Variants in SV2B observed in about 807,000 individuals in gnomAD.
The protein encoded by SV2B is synaptic vesicle glycoprotein 2B.
In SV2B, 41 loss-of-function variants were observed where a neutral mutation model predicts 73.9. The ratio of observed to expected loss-of-function variants is 0.56; its 90% CI spans 0.43 to 0.72. SV2B has a LOEUF of 0.72. Among genes scored for constraint, SV2B ranks in the 30% least tolerant of loss-of-function variants. SV2B has a pLI of 0.00. For synonymous variants in SV2B, 314 were observed against 314.2 expected (o/e 1.00, Z 0.01); for missense variants, 764 against 857.8 (o/e 0.89, Z 1.37).
At chr15:91,150,302 C>T (rs181330775) in intron 1 of SV2B, among the ~76,000 whole-genome samples, 43 of 152,250 alleles carry the variant, frequency 2.8e-4, no homozygotes, top group African/African-American at 8.4e-4. Context: ...CCACCACGCC[C>T]GGCTTCTGTC....
At position 91,226,254 on chromosome 15, in the gene SV2B, G is replaced by A. The variant is rs577695274; in HGVS notation, c.-10G>A. ...CTCAAGGGGCAACCAGGCAGTCGCA[G>A]AACCAAGGAATGGATGACTACAAGT... On this transcript the variant is annotated 5_prime_UTR_variant, in exon 2 of 13. Coordinates refer to ENST00000394232, the MANE Select transcript of SV2B (RefSeq NM_001323032.3). 3 of 1,613,940 alleles carry A rather than the reference G, an allele frequency of 1.9e-6. No homozygotes were observed. Among genetic ancestry groups the A allele is most frequent in the Admixed American group, 1.7e-5 (1 of 60,002 alleles).
At position 91,211,565 on chromosome 15, in the gene SV2B, G is replaced by A. The variant is rs2045864732; in HGVS notation, c.-391-14308G>A. Among the ~76,000 whole-genome samples, 5 of 149,158 alleles carry A rather than the reference G, an allele frequency of 3.4e-5. No individual in the cohort carries two copies. The South Asian group carries it at 8.5e-4, about 25-fold the overall frequency. On this transcript the variant is annotated intron_variant, in intron 1 of 12. Coordinates refer to ENST00000394232, the MANE Select transcript of SV2B (RefSeq NM_001323032.3). ...GTCGCCCAGGCTGGAGTACAGTGGC[G>A]CAGTCTCGGCTCACTGCAACCTCTG...
intron 1 of SV2B, among the ~76,000 whole-genome samples, chr15:91,222,317 GC>G (rs1410039253): frequency 1.3e-5 from 2 of 152,184 alleles, no homozygotes; most frequent in Admixed American, 1.3e-4. Context: ...AAGATGTAAA[GC>G]ACATGGTAAA....
chr15:91,292,635 G>A lies in SV2B; in HGVS notation c.*83G>A, dbSNP rs1373788296. 6 of 1,493,758 alleles carry A rather than the reference G, an allele frequency of 4.0e-6. No individual in the cohort carries two copies. The African/African-American group carries it at 7.1e-5, about 18-fold the overall frequency. The allele number at this position is 1,493,758 out of a possible 1,614,324, so 92.5% of individuals were successfully genotyped here. ...CCACACTTCCTGCCTATCACGGTCC[G>A]GAGGACACCTTGGATAGCACGGGAG... On this transcript the variant is annotated 3_prime_UTR_variant, in exon 13 of 13. Transcript: ENST00000394232.
chr15:91,154,096 A>C (rs1408553505), intron 1 of SV2B, among the ~76,000 whole-genome samples: 1 of 148,140 alleles, frequency 6.8e-6, no homozygotes, highest in Non-Finnish European at 1.5e-5. Context: ...ATAAATGTTA[A>C]TTTATAATAT....
At position 91,105,335 on chromosome 15, in the gene SV2B, A is replaced by G. The variant is rs937757585; in HGVS notation, c.-392+4972A>G. On this transcript the variant is annotated intron_variant, in intron 1 of 12. Coordinates refer to ENST00000394232, the MANE Select transcript of SV2B (RefSeq NM_001323032.3). This position sits in a 1 kb window ranked among gnomAD's most constrained non-coding sequence, Gnocchi z 5.5. ...TTTTATGCAAGGTGGTCAGGGTGAC[A>G]TGAAGGAAGTGAAGGAGTGAGCCAG... Among the ~76,000 whole-genome samples, 1 of 152,176 alleles carries G rather than the reference A, an allele frequency of 6.6e-6. No homozygotes were observed. The highest frequency in any genetic ancestry group is 2.4e-5 in the African/African-American group (1 of 41,452).
intron 1 of SV2B, among the ~76,000 whole-genome samples, chr15:91,133,401 G>T (rs75628494): frequency 0.01 from 1,529 of 148,514 alleles, 31 homozygotes; most frequent in African/African-American, 0.036. Flanking sequence ...TTTTTTTTTT[G>T]TTTTTGTTTT....
intron 1 of SV2B, among the ~76,000 whole-genome samples, chr15:91,134,580 GA>G (rs1286136576): frequency 3.9e-5 from 6 of 152,170 alleles, no homozygotes; most frequent in Admixed American, 6.5e-5. Context: ...AGCAACTTGG[GA>G]AGGTGGCCAC....
intron 11 of SV2B, among the ~76,000 whole-genome samples, chr15:91,286,311 T>C (rs138640520): frequency 1.8e-4 from 28 of 152,336 alleles, no homozygotes; most frequent in Admixed American, 1.7e-3. Context: ...CCAACCCCAC[T>C]AGAAAATCTG....
chr15:91,263,274 G>A, intron 6 of SV2B, among the ~76,000 whole-genome samples: 1 of 127,840 alleles, frequency 7.8e-6, no homozygotes, highest in South Asian at 2.6e-4. Flanking sequence ...ACAGACACAT[G>A]GACACACATG....
intron 1 of SV2B, among the ~76,000 whole-genome samples, chr15:91,208,363 GA>G (rs1332480671): frequency 6.6e-6 from 1 of 152,152 alleles, no homozygotes; most frequent in Non-Finnish European, 1.5e-5. Flanking sequence ...ATGATGAAGA[GA>G]AAAGTGTTTT....
chr15:91,230,173 G>A (rs558904911), intron 2 of SV2B, among the ~76,000 whole-genome samples: 51 of 151,758 alleles, frequency 3.4e-4, no homozygotes, highest in South Asian at 2.1e-4. Context: ...CCCAGGAGAC[G>A]GAGGTTGCAG....
intron 9 of SV2B, among the ~76,000 whole-genome samples, chr15:91,272,589 T>A (rs1435824438): frequency 6.6e-6 from 1 of 152,024 alleles, no homozygotes; most frequent in Non-Finnish European, 1.5e-5. Context: ...CAATGAAGGA[T>A]GGGAGAAAAG....
intron 1 of SV2B, among the ~76,000 whole-genome samples, chr15:91,180,969 C>G (rs1388034012): frequency 6.6e-6 from 1 of 152,224 alleles, no homozygotes; most frequent in Non-Finnish European, 1.5e-5. Flanking sequence ...GAGAGGCGCT[C>G]TGCTTTTTAG....
At chr15:91,150,310 G>T (rs897074896) in intron 1 of SV2B, among the ~76,000 whole-genome samples, 1 of 152,138 alleles carries the variant, frequency 6.6e-6, no homozygotes, top group South Asian at 2.1e-4. Flanking sequence ...CCCGGCTTCT[G>T]TCTGTCTCTC....
chr15:91,158,401 A>T (rs768438625), intron 1 of SV2B, among the ~76,000 whole-genome samples: 1 of 151,988 alleles, frequency 6.6e-6, no homozygotes, highest in Non-Finnish European at 1.5e-5. Flanking sequence ...ATGAGGCAAT[A>T]TGTGGTTTTA....
intron 1 of SV2B, among the ~76,000 whole-genome samples, chr15:91,119,846 C>G (rs1207712659): frequency 6.6e-6 from 1 of 152,118 alleles, no homozygotes; most frequent in Non-Finnish European, 1.5e-5. Flanking sequence ...TGAGATTGAG[C>G]ACTTTTATTT....
At chr15:91,270,070 G>A (rs1024074969) in intron 9 of SV2B, among the ~76,000 whole-genome samples, 7 of 152,116 alleles carry the variant, frequency 4.6e-5, no homozygotes, top group Non-Finnish European at 8.8e-5. Context: ...TATCACCCTT[G>A]CTTTATTAGG....
chr15:91,131,282 G>A (rs1262256143), intron 1 of SV2B, among the ~76,000 whole-genome samples: 3 of 150,492 alleles, frequency 2.0e-5, no homozygotes, highest in Non-Finnish European at 4.4e-5. Context: ...ACTGCACCCA[G>A]TCCAGGGAAA....
Sources: gnomAD v4.1 joint callset for allele counts (sites outside exome capture counted in the v4.1 genomes callset) on GRCh38, gnomAD v4.1.1 for gene constraint, Gnocchi (gnomAD v3.1) non-coding constraint, MANE v1.5 for transcripts, NCBI Gene and HGNC (gene_info 2026-07-23, HGNC 2026-07-21) for gene names.